Variants in ADCY2 observed in about 807,000 individuals in gnomAD.
The protein encoded by ADCY2 is adenylate cyclase 2.
A neutral mutation model predicts 125.2 loss-of-function variants in ADCY2; 31 were observed. The ratio of observed to expected loss-of-function variants is 0.25; its 90% CI spans 0.19 to 0.33. The LOEUF is 0.33. Ranked by LOEUF, ADCY2 falls within the 10% of genes least tolerant of loss-of-function variation. ADCY2 has a pLI of 1.00. For missense variants in ADCY2, 904 were observed against 1,418.2 expected, an observed-to-expected ratio of 0.64 and a Z score of 5.82; for synonymous variants, 512 against 548.4, an observed-to-expected ratio of 0.93 and a Z score of 0.93.
chr5:7,749,272 A>C (rs139925724), intron 15 of ADCY2, among the ~76,000 whole-genome samples: 4 of 152,312 alleles, frequency 2.6e-5, no homozygotes, highest in African/African-American at 9.6e-5. Context: ...AAGACATTTG[A>C]TAATTTTTTT....
At chr5:7,517,211 G>T (rs955133783) in intron 2 of ADCY2, among the ~76,000 whole-genome samples, 1 of 152,086 alleles carries the variant, frequency 6.6e-6, no homozygotes, top group African/African-American at 2.4e-5. Flanking sequence ...CTCAGCTATT[G>T]TGCAAACTTG....
chr5:7,554,629 A>G (rs1010822000), intron 3 of ADCY2, among the ~76,000 whole-genome samples: 3 of 152,152 alleles, frequency 2.0e-5, no homozygotes, highest in Middle Eastern at 3.2e-3. Flanking sequence ...GGCCAGATCA[A>G]CTTCCTTTAA....
intron 3 of ADCY2, among the ~76,000 whole-genome samples, chr5:7,552,295 TA>T (rs1279991985): frequency 1.3e-5 from 2 of 152,186 alleles, no homozygotes; most frequent in African/African-American, 4.8e-5. Context: ...CATTGTTTTT[TA>T]AAAAATCCAT....
At chr5:7,700,536 G>T (rs1169033980) in intron 7 of ADCY2, among the ~76,000 whole-genome samples, 3 of 149,202 alleles carry the variant, frequency 2.0e-5, no homozygotes, top group African/African-American at 7.4e-5. Context: ...CGTTGGAATT[G>T]TGAGCTTAAT....
chr5:7,626,570 A>T (rs1158159673), intron 4 of ADCY2, among the ~76,000 whole-genome samples: 2 of 152,184 alleles, frequency 1.3e-5, no homozygotes, highest in Non-Finnish European at 2.9e-5. Context: ...AGCCTGTGCC[A>T]TGTCTACTTC....
In ADCY2 at chr5:7,826,762, C is replaced by T. The variant is rs779183904; in HGVS notation, c.3167C>T (p.Thr1056Met). The change falls in exon 25 of 25, where the codon ACG (threonine) becomes ATG (methionine). Residue 1056 changes from threonine (T) to methionine (M), a missense_variant. Physicochemically the swap from Thr to Met is moderately conservative, Grantham distance 81. This residue lies in a region of ADCY2 where 181 missense variants were observed against 381.6 expected (regional missense o/e 0.47). Transcript: ENST00000338316. ...CTCGTCCTGCAGACCCTCGGATACACGTGCACCTGTCGAGGAATAATCAAC... is the reference window on the plus strand; with the variant it reads ...CTCGTCCTGCAGACCCTCGGATACATGTGCACCTGTCGAGGAATAATCAAC... ...TSLVLQTLGY[T>M]CTCRGIINVK... 3.0e-5 allele frequency: 48 copies of T among 1,613,966 alleles called. No individual in the cohort carries two copies. Among genetic ancestry groups the T allele is most frequent in the Middle Eastern group, 1.6e-4 (1 of 6,084 alleles).
At chr5:7,617,737 G>A (rs1256356232) in intron 3 of ADCY2, among the ~76,000 whole-genome samples, 6 of 152,172 alleles carry the variant, frequency 3.9e-5, no homozygotes, top group Admixed American at 3.9e-4. Context: ...TGGTTTTGAG[G>A]AAAACATACA....
chr5:7,809,425 A>G (rs1038891952), intron 22 of ADCY2, among the ~76,000 whole-genome samples: 1 of 152,250 alleles, frequency 6.6e-6, no homozygotes, highest in African/African-American at 2.4e-5. Context: ...AGTTACTTTT[A>G]TAAGAAATGA....
chr5:7,684,434 G>C (rs528501478), intron 4 of ADCY2, among the ~76,000 whole-genome samples: 1 of 152,198 alleles, frequency 6.6e-6, no homozygotes, highest in African/African-American at 2.4e-5. Flanking sequence ...CTCTATTTTA[G>C]AGAATTGAAT....
At chr5:7,515,723 T>G (rs77246765) in intron 2 of ADCY2, among the ~76,000 whole-genome samples, 3,489 of 152,250 alleles carry the variant, frequency 0.023, 130 homozygotes, top group African/African-American at 0.08. Flanking sequence ...TAATAGTCTT[T>G]CCTGCAGACA....
At position 7,773,131 on chromosome 5, in the gene ADCY2, A is replaced by G. The variant is rs753110770; in HGVS notation, c.2384+30A>G. ...GCCACGGCCTCTTCCTTCTCTTACT[A>G]TAGTTCTTTCCCAGCCTGTGGATAG... is the stretch of plus-strand genomic sequence containing the variant. On this transcript the variant is annotated intron_variant, in intron 18 of 24. Coordinates refer to ENST00000338316, the MANE Select transcript of ADCY2 (RefSeq NM_020546.3). 2.2e-5 allele frequency: 35 copies of G among 1,606,426 alleles called. 1 individual carries two copies. In the South Asian group the frequency reaches 3.0e-4, roughly 14 times the overall value.
At chr5:7,664,332 GT>G (rs1418104435) in intron 4 of ADCY2, among the ~76,000 whole-genome samples, 1 of 152,040 alleles carries the variant, frequency 6.6e-6, no homozygotes, top group Non-Finnish European at 1.5e-5. Flanking sequence ...AGAACTATTC[GT>G]TTTTACAATA....
At chr5:7,572,102 C>G (rs28767478) in intron 3 of ADCY2, among the ~76,000 whole-genome samples, 64,449 of 151,988 alleles carry the variant, frequency 0.42, 14,838 homozygotes, top group Non-Finnish European at 0.51. Flanking sequence ...AGTGAACATA[C>G]ACTTGCATGT....
chr5:7,702,901 CT>C (rs1442108253), intron 7 of ADCY2, among the ~76,000 whole-genome samples: 1 of 152,186 alleles, frequency 6.6e-6, no homozygotes, highest in Non-Finnish European at 1.5e-5. Flanking sequence ...TGTTTTCTGA[CT>C]TTTTAATGAT....
intron 16 of ADCY2, among the ~76,000 whole-genome samples, chr5:7,763,425 A>T (rs1579406914): frequency 6.6e-6 from 1 of 152,310 alleles, no homozygotes; most frequent in East Asian, 1.9e-4. Flanking sequence ...AAATATATAT[A>T]AATAAGGTAT....
chr5:7,444,280 ATT>A (rs34033324), intron 2 of ADCY2, among the ~76,000 whole-genome samples: 1 of 151,270 alleles, frequency 6.6e-6, no homozygotes, highest in South Asian at 2.1e-4. Context: ...CGCCTGGTTA[ATT>A]TTTTTTGTAT....
At chr5:7,787,135 G>T (rs1194188720) in intron 19 of ADCY2, among the ~76,000 whole-genome samples, 1 of 152,178 alleles carries the variant, frequency 6.6e-6, no homozygotes, top group African/African-American at 2.4e-5. Flanking sequence ...CGAGAGGTGG[G>T]TGACAATCCG....
At chr5:7,748,428 T>G (rs1339625549) in intron 15 of ADCY2, among the ~76,000 whole-genome samples, 2 of 152,122 alleles carry the variant, frequency 1.3e-5, no homozygotes, top group African/African-American at 4.8e-5. Flanking sequence ...TCTAATTCTG[T>G]GGATGAGGGA....
chr5:7,544,719 C>G (rs1735097534), intron 3 of ADCY2, among the ~76,000 whole-genome samples: 1 of 152,166 alleles, frequency 6.6e-6, no homozygotes, highest in African/African-American at 2.4e-5. Context: ...GATTGTTCTG[C>G]TCATGCTCAG....
Sources: gnomAD v4.1 joint callset for allele counts (sites outside exome capture counted in the v4.1 genomes callset) on GRCh38, gnomAD v4.1.1 for gene constraint, gnomAD v4.1.1 regional missense constraint, MANE v1.5 for transcripts, NCBI Gene and HGNC (gene_info 2026-07-23, HGNC 2026-07-21) for gene names.